Variants in CUBN observed in about 807,000 individuals in gnomAD.
CUBN encodes cubilin.
CUBN carries 282 observed loss-of-function variants against 405.3 expected under a neutral mutation model. The observed-to-expected ratio is 0.70, with a 90% CI of 0.63 to 0.77. CUBN has a LOEUF of 0.77. Among genes scored for constraint, CUBN ranks in the 30% least tolerant of loss-of-function variants. The pLI is 0.00. For missense variants in CUBN, 4,514 were observed against 4,475.2 expected (o/e 1.01, Z -0.25); for synonymous variants, 1,684 against 1,617.0 (o/e 1.04, Z -0.99).
chr10:16,948,714 A>C, intron 34 of CUBN, 108 bp from the exon 35 acceptor site: 5 of 1,412,666 alleles, frequency 3.5e-6, no homozygotes, highest in Non-Finnish European at 4.9e-6. Context: ...AACAAAGTGA[A>C]GAAATTGCCA....
Position 16,888,496 on chromosome 10 carries a change from G to A in CUBN, c.8826C>T (p.Asn2942=). The A allele has an allele frequency of 6.2e-7, 1 of 1,612,840 alleles. No homozygotes were observed. The highest frequency in any genetic ancestry group is 8.5e-7 in the Non-Finnish European group (1 of 1,178,900). The part of the protein sequence containing the change: ...ISPNYPKQYD[N]NMNCTYVIEA... Reference sequence around the variant, plus strand: ...CTATGACATAGGTGCAATTCATGTTGTTGTCATATTGTTTTGGGTAATTTG... The same window carrying A: ...CTATGACATAGGTGCAATTCATGTTATTGTCATATTGTTTTGGGTAATTTG... Residue 2942 remains asparagine, a synonymous_variant, in exon 56 of 67, where the codon AAC becomes AAT. Coordinates refer to ENST00000377833, the MANE Select transcript of CUBN (RefSeq NM_001081.4).
At chr10:16,925,540 A>T in intron 42 of CUBN, 44 bp downstream of exon 42, 1 of 1,612,236 alleles carries the variant, frequency 6.2e-7, no homozygotes, top group Admixed American at 1.7e-5. Context: ...TTCTGAATGA[A>T]GTCTATGGAA....
chr10:16,900,817 T>A lies in CUBN; in HGVS notation c.8218A>T (p.Thr2740Ser). 1.2e-6 allele frequency: 2 copies of A among 1,613,966 alleles called. No homozygotes were observed. The highest frequency in any genetic ancestry group is 8.5e-7 in the Non-Finnish European group (1 of 1,179,924). ...GTGACAGAGTCCCAAGCACAAGTTG[T>A]ATGGGGTTCAATATCAAAGTCACTA... ...TFSDFDIEPH[T>S]TCAWDSVTVR... Residue 2740 changes from threonine to serine, a missense_variant, in exon 53 of 67, where the codon ACA becomes TCA. Physicochemically the swap from Thr to Ser is moderately conservative, Grantham distance 58. Coordinates refer to ENST00000377833, the MANE Select transcript of CUBN (RefSeq NM_001081.4).
At position 16,912,426 on chromosome 10, in the gene CUBN, A is replaced by G. The variant is rs1381290566; in HGVS notation, c.7533+1385T>C. 3.3e-5 allele frequency among the ~76,000 whole-genome samples: 5 copies of G among 152,220 alleles called. No homozygotes were observed. In the East Asian group the frequency reaches 9.6e-4, roughly 29 times the overall value. On this transcript the variant is annotated intron_variant, in intron 48 of 66. Coordinates refer to ENST00000377833, the MANE Select transcript of CUBN (RefSeq NM_001081.4). ...ATGAAACTGTGGCTTGACCTCAAGG[A>G]GCTCACATTCTAGTGGGGGAAGCAG... is the stretch of plus-strand genomic sequence containing the variant.
At chr10:16,922,894 G>A (rs890036253) in intron 43 of CUBN, among the ~76,000 whole-genome samples, 1 of 149,316 alleles carries the variant, frequency 6.7e-6, no homozygotes, top group Non-Finnish European at 1.5e-5. Context: ...TTGTCACTCA[G>A]GCTGGAGTGC....
intron 6 of CUBN, among the ~76,000 whole-genome samples, chr10:17,120,803 G>A (rs909947894): frequency 6.6e-6 from 1 of 152,210 alleles, no homozygotes. Flanking sequence ...ATCACAGTTT[G>A]CCCATACTTG....
At chr10:16,937,900 A>C (rs928189830) in intron 38 of CUBN, 116 bp from the exon 39 acceptor site, 9 of 887,322 alleles carry the variant, frequency 1.0e-5, no homozygotes, top group Admixed American at 2.5e-5. Flanking sequence ...AAAAATGACA[A>C]ATGAGTAAAC....
chr10:17,052,508 G>A (rs895640634), intron 22 of CUBN, among the ~76,000 whole-genome samples: 1 of 150,472 alleles, frequency 6.6e-6, no homozygotes, highest in African/African-American at 2.4e-5. Flanking sequence ...TGCAATCCCA[G>A]CACTTTGGGA....
intron 17 of CUBN, among the ~76,000 whole-genome samples, chr10:17,076,723 C>T (rs1285042914): frequency 6.6e-6 from 1 of 152,188 alleles, no homozygotes; most frequent in African/African-American, 2.4e-5. Flanking sequence ...CCAATTTCCA[C>T]ATAGAAGCTT....
chr10:16,901,058 C>G (rs558699402), intron 52 of CUBN, among the ~76,000 whole-genome samples: 2 of 152,050 alleles, frequency 1.3e-5, no homozygotes, highest in African/African-American at 2.4e-5. Flanking sequence ...TTTGGGATGG[C>G]AACACATATT....
At chr10:17,099,885 TAA>T (rs1310516254) in intron 14 of CUBN, 118 bp downstream of exon 14, 2 of 400,186 alleles carry the variant, frequency 5.0e-6, no homozygotes, top group Admixed American at 8.0e-5. Context: ...AAATAAATTA[TAA>T]AAATATTATA....
At chr10:17,001,466 G>A (rs1833881326) in intron 28 of CUBN, among the ~76,000 whole-genome samples, 1 of 152,182 alleles carries the variant, frequency 6.6e-6, no homozygotes, top group African/African-American at 2.4e-5. Context: ...GCTGATTGGT[G>A]CATTTACAAA....
At chr10:16,831,566 CA>C in intron 64 of CUBN, 149 bp from the exon 65 acceptor site, 1 of 715,112 alleles carries the variant, frequency 1.4e-6, no homozygotes. Context: ...AAAATACATG[CA>C]GAAGTCACCT....
intron 31 of CUBN, among the ~76,000 whole-genome samples, chr10:16,981,632 G>A (rs927015741): frequency 5.3e-5 from 8 of 152,170 alleles, no homozygotes; most frequent in African/African-American, 1.9e-4. Context: ...CTTGGACGCT[G>A]CCGTGGGCCG....
chr10:16,857,217 T>C (rs1261135542), intron 59 of CUBN, among the ~76,000 whole-genome samples: 1 of 152,250 alleles, frequency 6.6e-6, no homozygotes, highest in Non-Finnish European at 1.5e-5. Flanking sequence ...TGTTTGTTTT[T>C]AGTTGCTTCA....
chr10:16,941,768 G>A (rs966512204), intron 36 of CUBN, among the ~76,000 whole-genome samples: 3 of 152,118 alleles, frequency 2.0e-5, no homozygotes, highest in Non-Finnish European at 4.4e-5. Context: ...CTTAAGCCTG[G>A]GAGATAGAGG....
intron 51 of CUBN, among the ~76,000 whole-genome samples, chr10:16,903,432 G>A (rs188307972): frequency 1.4e-3 from 217 of 151,994 alleles, no homozygotes; most frequent in African/African-American, 4.7e-3. Flanking sequence ...GCAAAAGGAT[G>A]CAAGAAAATG....
At chr10:17,021,627 T>A (rs1178246120) in intron 27 of CUBN, among the ~76,000 whole-genome samples, 1 of 152,254 alleles carries the variant, frequency 6.6e-6, no homozygotes, top group African/African-American at 2.4e-5. Context: ...AATTCCAGAC[T>A]GATCAAATTA....
rs1836279103 is a variant in CUBN, at chr10:17,092,200, T to TA, written c.1766-3856_1766-3855insT. Among the ~76,000 whole-genome samples the TA allele has an allele frequency of 2.0e-5, 3 of 152,284 alleles. No homozygotes were observed. The South Asian group carries it at 6.2e-4, about 32-fold the overall frequency. On this transcript the variant is annotated intron_variant, in intron 14 of 66. Transcript: ENST00000377833. ...CGGGTCTCACCATACTGACGCTTTC[T>TA]GACTAAGCTCCTCTCTACCCTGAAT...
Sources: gnomAD v4.1 joint callset for allele counts (sites outside exome capture counted in the v4.1 genomes callset) on GRCh38, gnomAD v4.1.1 for gene constraint, MANE v1.5 for transcripts, NCBI Gene and HGNC (gene_info 2026-07-23, HGNC 2026-07-21) for gene names.